DLC1: variants seen among roughly 807,000 people sequenced by gnomAD.
The protein encoded by DLC1 is rho GTPase-activating protein 7.
A neutral mutation model predicts 140.3 loss-of-function variants in DLC1; 54 were observed. That is an observed-to-expected ratio of 0.38 (90% CI 0.31 to 0.48). The LOEUF is 0.48. Ranked by LOEUF, DLC1 falls within the 20% of genes least tolerant of loss-of-function variation. The pLI is 0.96. For missense variants in DLC1, 2,536 were observed against 1,907.0 expected, an observed-to-expected ratio of 1.33 and a Z score of -6.14; for synonymous variants, 986 against 728.1, an observed-to-expected ratio of 1.35 and a Z score of -5.70.
intron 2 of DLC1, among the ~76,000 whole-genome samples, chr8:13,434,809 G>T (rs1250255799): frequency 6.6e-6 from 1 of 152,080 alleles, no homozygotes; most frequent in African/African-American, 2.4e-5. Flanking sequence ...CTCCTGAGTA[G>T]CTGGGACTAC....
intron 5 of DLC1, among the ~76,000 whole-genome samples, chr8:13,276,034 C>A (rs1831149029): frequency 6.6e-6 from 1 of 152,156 alleles, no homozygotes; most frequent in African/African-American, 2.4e-5. Context: ...AATAATCAGA[C>A]CAGTAACCAG....
chr8:13,356,850 T>A (rs1834963362), intron 4 of DLC1, among the ~76,000 whole-genome samples: 1 of 151,600 alleles, frequency 6.6e-6, no homozygotes, highest in Admixed American at 6.6e-5. Context: ...TTATTATTTT[T>A]TTATTTTTTA....
intron 5 of DLC1, among the ~76,000 whole-genome samples, chr8:13,304,184 A>T (rs1424158473): frequency 6.6e-6 from 1 of 152,210 alleles, no homozygotes; most frequent in African/African-American, 2.4e-5. Flanking sequence ...CAGTTTGGCC[A>T]TTGAAAGTAA....
intron 4 of DLC1, among the ~76,000 whole-genome samples, chr8:13,317,807 A>C (rs776530593): frequency 6.6e-6 from 1 of 152,162 alleles, no homozygotes; most frequent in Non-Finnish European, 1.5e-5. Flanking sequence ...TGAGAAAGCA[A>C]AGTCAGAGAA....
intron 1 of DLC1, among the ~76,000 whole-genome samples, chr8:13,581,494 G>C (rs1051037699): frequency 1.3e-5 from 2 of 152,154 alleles, no homozygotes; most frequent in Non-Finnish European, 2.9e-5. Flanking sequence ...TTTCTCTGAT[G>C]TACTATGTCC....
chr8:13,217,789 G>T (rs1461645527), intron 5 of DLC1, among the ~76,000 whole-genome samples: 1 of 151,312 alleles, frequency 6.6e-6, no homozygotes, highest in Non-Finnish European at 1.5e-5. Context: ...GGTGAGCCGA[G>T]ATCACGCCAC....
intron 2 of DLC1, among the ~76,000 whole-genome samples, chr8:13,456,453 AT>A (rs10715849): frequency 0.22 from 32,123 of 146,950 alleles, 4,711 homozygotes; most frequent in African/African-American, 0.42. Context: ...TTCCTTTTTT[AT>A]TTTTTTTTTT....
intron 1 of DLC1, among the ~76,000 whole-genome samples, chr8:13,593,446 T>C (rs976263110): frequency 6.6e-6 from 1 of 152,132 alleles, no homozygotes; most frequent in African/African-American, 2.4e-5. Context: ...GTGGACGTTA[T>C]ATGTGTTACT....
rs569566526 is a variant in DLC1 at position 13,138,384 on chromosome 8, A to G, written c.1349-22727T>C. Among the ~76,000 whole-genome samples, 12 of 152,346 alleles carry G rather than the reference A, an allele frequency of 7.9e-5. No homozygotes were observed. In the South Asian group the frequency reaches 2.5e-3, roughly 32 times the overall value. ...TGGCAACTAATTTTAAAAAATGGAAATCCATTCCACTTAATTTTAACTTTG... is the reference window on the plus strand; with the variant it reads ...TGGCAACTAATTTTAAAAAATGGAAGTCCATTCCACTTAATTTTAACTTTG... On this transcript the variant is annotated intron_variant, in intron 5 of 17. Coordinates refer to ENST00000276297, the MANE Select transcript of DLC1 (RefSeq NM_182643.3).
intron 2 of DLC1, among the ~76,000 whole-genome samples, chr8:13,459,363 A>T (rs913317187): frequency 1.8e-4 from 28 of 152,148 alleles, no homozygotes; most frequent in Admixed American, 1.8e-3. Context: ...TTTCAAAAAG[A>T]TTCCAAGCCA....
At chr8:13,147,919 C>T (rs575171066) in intron 5 of DLC1, among the ~76,000 whole-genome samples, 6 of 152,150 alleles carry the variant, frequency 3.9e-5, no homozygotes, top group South Asian at 2.1e-4. Flanking sequence ...ACCCGGGAGG[C>T]GGAGGTTGCA....
rs563106767 is a variant in DLC1 at position 13,521,809 on chromosome 8, A to AC, written c.-125-21614dup. Among the ~76,000 whole-genome samples the AC allele has an allele frequency of 1.3e-4, 20 of 152,268 alleles. No homozygotes were observed. The South Asian group carries it at 2.9e-3, about 22-fold the overall frequency. ...GTTCTGTCTTTCCCTTTCAAGTGGA[A>AC]CCATTTGAGAACCTCAGTACACATA... is the stretch of plus-strand genomic sequence containing the variant. On this transcript the variant is annotated intron_variant, in intron 1 of 1. Transcript: ENST00000631382.
chr8:13,158,106 T>A (rs1268191238), intron 5 of DLC1, among the ~76,000 whole-genome samples: 2 of 152,212 alleles, frequency 1.3e-5, no homozygotes, highest in Non-Finnish European at 2.9e-5. Context: ...TTTTTATATA[T>A]GTCAAGAGGT....
rs369790217 is a variant in DLC1 at position 13,375,735 on chromosome 8, A to AT, written c.1314+17817dup. Among the ~76,000 whole-genome samples the AT allele has an allele frequency of 2.8e-3, 421 of 150,698 alleles. 4 individuals are homozygous for AT. Among genetic ancestry groups the AT allele is most frequent in the African/African-American group, 9.5e-3 (386 of 40,830 alleles). ...ATGACTGTTATTTTATTTTATTTTTATTTTTTTGCTGTGAGATGAGAAAGG... is the reference window on the plus strand; with the variant it reads ...ATGACTGTTATTTTATTTTATTTTTATTTTTTTTGCTGTGAGATGAGAAAGG... On this transcript the variant is annotated intron_variant, in intron 4 of 17. Transcript: ENST00000276297.
intron 4 of DLC1, among the ~76,000 whole-genome samples, chr8:13,328,404 T>C (rs1268484946): frequency 1.3e-5 from 2 of 152,040 alleles, no homozygotes; most frequent in Admixed American, 6.6e-5. Context: ...ATTGCGGGAG[T>C]GTAGAAGACG....
At chr8:13,214,698 T>C (rs949120827) in intron 5 of DLC1, 1 of 780,898 alleles carries the variant, frequency 1.3e-6, no homozygotes, top group Non-Finnish European at 2.4e-6. Context: ...ACAAACCAAT[T>C]GCCACTTCCG....
intron 2 of DLC1, among the ~76,000 whole-genome samples, chr8:13,413,392 A>G (rs1837889696): frequency 6.6e-6 from 1 of 151,250 alleles, no homozygotes; most frequent in African/African-American, 2.4e-5. Context: ...TGTACAGCAT[A>G]AAATCCTTAA....
chr8:13,299,069 A>G (rs1832076309), intron 5 of DLC1, among the ~76,000 whole-genome samples: 1 of 152,146 alleles, frequency 6.6e-6, no homozygotes, highest in Admixed American at 6.5e-5. Flanking sequence ...CTTTTCCAAG[A>G]GAGAACACAT....
chr8:13,524,450 T>C (rs1802857906), intron 1 of DLC1, among the ~76,000 whole-genome samples: 1 of 152,146 alleles, frequency 6.6e-6, no homozygotes, highest in African/African-American at 2.4e-5. Context: ...ACAAATTGTT[T>C]TTGTTGTTGC....
Sources: allele counts gnomAD v4.1 joint callset (sites outside exome capture counted in the v4.1 genomes callset), GRCh38; gene constraint gnomAD v4.1.1; transcripts MANE v1.5; gene names NCBI Gene and HGNC (gene_info 2026-07-23, HGNC 2026-07-21).